The following ANKRD17 variants were observed in gnomAD, a reference collection of about 807,000 sequenced individuals.
The protein encoded by ANKRD17 is ankyrin repeat domain-containing protein 17.
Under a neutral mutation model 229.7 loss-of-function variants are expected in ANKRD17, and 19 were observed. That is an observed-to-expected ratio of 0.08 (90% CI 0.06 to 0.12). The LOEUF is 0.12. Among genes scored for constraint, ANKRD17 ranks in the 10% least tolerant of loss-of-function variants. ANKRD17 has a pLI of 1.00. For missense variants in ANKRD17, 2,176 were observed against 3,176.8 expected (o/e 0.68, Z 7.57); for synonymous variants, 1,112 against 1,146.1 (o/e 0.97, Z 0.60).
intron 1 of ANKRD17, among the ~76,000 whole-genome samples, chr4:73,203,758 CAAAAAA>C (rs67020753): frequency 1.7e-4 from 14 of 82,166 alleles, no homozygotes; most frequent in Non-Finnish European, 2.7e-4. Flanking sequence ...GACTCCGTCT[CAAAAAA>C]AAAAAAAAAA....
intron 2 of ANKRD17, among the ~76,000 whole-genome samples, chr4:73,167,976 C>T (rs1733452787): frequency 6.6e-6 from 1 of 151,958 alleles, no homozygotes; most frequent in Admixed American, 6.6e-5. Context: ...CGCAGCGAAA[C>T]CCCGTCTGTA....
chr4:73,148,247 T>C (rs937136381), intron 8 of ANKRD17, among the ~76,000 whole-genome samples: 2 of 152,076 alleles, frequency 1.3e-5, no homozygotes, highest in Non-Finnish European at 2.9e-5. Flanking sequence ...GAAAGAAAAA[T>C]AAAATCACAC....
At chr4:73,209,425 T>G (rs1469424278) in intron 1 of ANKRD17, among the ~76,000 whole-genome samples, 2 of 152,136 alleles carry the variant, frequency 1.3e-5, no homozygotes. Flanking sequence ...ACAAAGTCCT[T>G]GCAAATCACA....
chr4:73,140,037 T>G lies in ANKRD17; in HGVS notation c.2579A>C (p.Gln860Pro). The G allele has an allele frequency of 1.2e-6, 2 of 1,614,222 alleles. No homozygotes were observed. Among genetic ancestry groups the G allele is most frequent in the Non-Finnish European group, 1.7e-6 (2 of 1,180,034 alleles). The change falls in exon 15 of 34, where the codon CAG becomes CCG. Residue 860 changes from glutamine (Q) to proline (P), a missense_variant. Physicochemically the swap from Gln to Pro is moderately conservative, Grantham distance 76 (BLOSUM62 -1). Transcript: ENST00000358602. ...ELNKTREEQIQKKQKILEELQ... is the reference protein window; with the variant it reads ...ELNKTREEQIPKKQKILEELQ... ...TTCCTCCAAAATCTTTTGTTTCTTCTGAATTTGTTCCTCCCTTGTTTTGTT... is the reference window on the plus strand; with the variant it reads ...TTCCTCCAAAATCTTTTGTTTCTTCGGAATTTGTTCCTCCCTTGTTTTGTT...
At chr4:73,160,377 C>T (rs1017474153) in intron 3 of ANKRD17, among the ~76,000 whole-genome samples, 1 of 152,128 alleles carries the variant, frequency 6.6e-6, no homozygotes, top group Non-Finnish European at 1.5e-5. Flanking sequence ...CGCCACCACA[C>T]CCGGCTAATT....
At chr4:73,093,462 C>T (rs1722986492) in intron 28 of ANKRD17, among the ~76,000 whole-genome samples, 1 of 148,350 alleles carries the variant, frequency 6.7e-6, no homozygotes, top group Non-Finnish European at 1.5e-5. Flanking sequence ...ACCGCAACCT[C>T]TGCCTCCCAG....
At position 73,142,370 on chromosome 4, in the gene ANKRD17, A is replaced by G. The variant is rs1729719428; in HGVS notation, c.2101T>C (p.Leu701=). ...THRLKDGSTM[L]IEAAKGGHTS... is the part of the protein sequence containing the mutation. ...TGGCCACCTTTTGCTGCTTCTATCA[A>G]CATAGTTGAGCCATCCTAAAAGAGT... Residue 701 remains leucine (L), a synonymous_variant, in exon 13 of 34, where the codon TTG becomes CTG. Transcript: ENST00000358602. 1 of 1,589,438 alleles carries G rather than the reference A, an allele frequency of 6.3e-7. No homozygotes were observed. Among genetic ancestry groups the G allele is most frequent in the African/African-American group, 1.4e-5 (1 of 73,078 alleles).
chr4:73,157,403 A>G (rs1342497570), intron 3 of ANKRD17, among the ~76,000 whole-genome samples: 5 of 152,208 alleles, frequency 3.3e-5, no homozygotes, highest in Admixed American at 3.3e-4. Flanking sequence ...GAGAGTGGAA[A>G]AAGTGGAGTA....
intron 1 of ANKRD17, among the ~76,000 whole-genome samples, chr4:73,253,722 G>A (rs1181078695): frequency 1.3e-5 from 2 of 152,218 alleles, no homozygotes; most frequent in East Asian, 3.9e-4. Flanking sequence ...GGAGGCTTAA[G>A]GTACTTACCA....
Position 73,116,030 on chromosome 4 carries a change from C to T in ANKRD17, c.4189-114G>A, listed in dbSNP as rs571409550. 1,114 of 760,876 alleles carry T rather than the reference C, an allele frequency of 1.5e-3. 1 individual carries two copies. Among genetic ancestry groups the T allele is most frequent in the Admixed American group, 2.3e-3 (113 of 49,802 alleles). 47.1% of individuals were successfully genotyped at this position (760,876 alleles called of 1,614,324 possible). On this transcript the variant is annotated intron_variant, in intron 22 of 33. Transcript: ENST00000358602. ...GGGCCACAAAGTAAAGACTAAATTG[C>T]ATATTTACACTATAAATGAAAAAGA...
chr4:73,240,831 A>G (rs981738372), intron 1 of ANKRD17, among the ~76,000 whole-genome samples: 3 of 124,620 alleles, frequency 2.4e-5, no homozygotes, highest in Admixed American at 9.0e-5. Context: ...TTTTTTGGAG[A>G]TGAGTCTTGC....
At chr4:73,221,819 G>A (rs1578445366) in intron 1 of ANKRD17, among the ~76,000 whole-genome samples, 1 of 152,306 alleles carries the variant, frequency 6.6e-6, no homozygotes, top group East Asian at 1.9e-4. Flanking sequence ...CTGCAAGGAG[G>A]TAGGTAATAA....
At chr4:73,256,919 C>T (rs1445480248) in intron 1 of ANKRD17, among the ~76,000 whole-genome samples, 2 of 152,216 alleles carry the variant, frequency 1.3e-5, no homozygotes, top group African/African-American at 4.8e-5. Context: ...CAACTTCATC[C>T]AGTCTGAGAT....
At chr4:73,175,359 C>T (rs951288972) in intron 2 of ANKRD17, among the ~76,000 whole-genome samples, 7 of 152,142 alleles carry the variant, frequency 4.6e-5, no homozygotes, top group African/African-American at 1.7e-4. Flanking sequence ...ATCCAATCAC[C>T]TCCCACTGGG....
At chr4:73,217,849 G>T (rs1203413173) in intron 1 of ANKRD17, among the ~76,000 whole-genome samples, 1 of 152,084 alleles carries the variant, frequency 6.6e-6, no homozygotes, top group South Asian at 2.1e-4. Flanking sequence ...TCTCATGTGG[G>T]TCCCATCCCC....
chr4:73,104,387 G>T (rs1325500161), intron 24 of ANKRD17, among the ~76,000 whole-genome samples: 1 of 152,182 alleles, frequency 6.6e-6, no homozygotes, highest in Non-Finnish European at 1.5e-5. Flanking sequence ...CCCAGTGAAG[G>T]AGGGAGAAGT....
At chr4:73,212,136 C>A (rs1461419061) in intron 1 of ANKRD17, among the ~76,000 whole-genome samples, 33 of 152,026 alleles carry the variant, frequency 2.2e-4, no homozygotes, top group Admixed American at 5.9e-4. Context: ...GTGGGTTGGG[C>A]AGAGGGAAAG....
At chr4:73,177,293 TATC>T (rs1275439999) in intron 2 of ANKRD17, 84 bp downstream of exon 2, 3 of 1,241,986 alleles carry the variant, frequency 2.4e-6, no homozygotes, top group African/African-American at 1.5e-5. Flanking sequence ...AAATACCCAA[TATC>T]ATTCATTTTT....
intron 11 of ANKRD17, 47 bp from the exon 12 acceptor site, chr4:73,142,814 C>A: frequency 6.4e-7 from 1 of 1,557,296 alleles, no homozygotes; most frequent in East Asian, 2.3e-5. Context: ...AATGGTTTTT[C>A]TTAAAATTAT....
Sources: allele counts gnomAD v4.1 joint callset (sites outside exome capture counted in the v4.1 genomes callset), GRCh38; gene constraint gnomAD v4.1.1; transcripts MANE v1.5; gene names NCBI Gene and HGNC (gene_info 2026-07-23, HGNC 2026-07-21).